The following NTRK1 variants were observed in gnomAD, a reference collection of about 807,000 sequenced individuals.
NTRK1 encodes high affinity nerve growth factor receptor.
Under a neutral mutation model 86.8 loss-of-function variants are expected in NTRK1, and 62 were observed. The observed-to-expected ratio is 0.71, with a 90% CI of 0.58 to 0.88. The LOEUF is 0.88. NTRK1 is among the 40% of genes least tolerant of loss of function. The pLI, the probability that NTRK1 is intolerant of heterozygous loss-of-function variation, is 0.00. For missense variants in NTRK1, 967 were observed against 1,078.4 expected, an observed-to-expected ratio of 0.90 and a Z score of 1.45; for synonymous variants, 469 against 456.6, an observed-to-expected ratio of 1.03 and a Z score of -0.35.
intron 1 of NTRK1, among the ~76,000 whole-genome samples, chr1:156,817,302 T>C (rs1275451795): frequency 6.6e-6 from 1 of 151,766 alleles, no homozygotes; most frequent in East Asian, 1.9e-4. Context: ...AATCTATGAG[T>C]CTGGGCATGG....
At chr1:156,858,951 C>G (rs1655508998), upstream of NTRK1, 5 of 294,502 alleles carry the variant, frequency 1.7e-5, no homozygotes, top group South Asian at 2.5e-4. Context: ...AAAGGCAGGC[C>G]GAGAGGCCAG....
intron 1 of NTRK1, chr1:156,840,467 A>C: frequency 6.5e-6 from 1 of 154,440 alleles, no homozygotes; most frequent in Non-Finnish European, 1.2e-5. Context: ...AGAGCGCCCC[A>C]GGCCTGCTTC....
chr1:156,861,173 G>C, intron 1 of NTRK1, 27 bp downstream of exon 1: 1 of 1,538,898 alleles, frequency 6.5e-7, no homozygotes, highest in South Asian at 1.2e-5. Flanking sequence ...CGGTGGGGGG[G>C]CGCGGGGACA....
At chr1:156,860,699 A>C, upstream of NTRK1, 2 of 640,746 alleles carry the variant, frequency 3.1e-6, no homozygotes, top group Non-Finnish European at 4.7e-6. Flanking sequence ...ATCCTCGGGG[A>C]GAAGGCTGAC....
chr1:156,845,363 C>A (rs767744785), intron 2 of NTRK1: 33 of 1,593,030 alleles, frequency 2.1e-5, no homozygotes, highest in Non-Finnish European at 2.2e-5. Context: ...CTGCCCTAGT[C>A]CTGCTCACCT....
At chr1:156,852,308 T>A in intron 2 of NTRK1, 1 of 1,013,732 alleles carries the variant, frequency 9.9e-7, no homozygotes, top group Non-Finnish European at 1.4e-6. Context: ...CCCAGGTCCC[T>A]CCCATTCAGA....
At chr1:156,822,163 T>G (rs1041358335) in intron 1 of NTRK1, among the ~76,000 whole-genome samples, 3 of 152,168 alleles carry the variant, frequency 2.0e-5, no homozygotes, top group Non-Finnish European at 2.9e-5. Context: ...TCCAACACGG[T>G]CCACCCCCTG....
upstream of NTRK1, among the ~76,000 whole-genome samples, chr1:156,855,900 T>C (rs574169775): frequency 1.2e-4 from 18 of 152,080 alleles, no homozygotes; most frequent in East Asian, 2.9e-3. Flanking sequence ...TCTATAATTC[T>C]TAACACTGAC....
intron 1 of NTRK1, chr1:156,841,660 C>G: frequency 6.2e-7 from 1 of 1,613,518 alleles, no homozygotes; most frequent in Non-Finnish European, 8.5e-7. Flanking sequence ...CCAGCTCGGC[C>G]CCACCAGACA....
chr1:156,849,370 G>A (rs1488391568), intron 2 of NTRK1: 1 of 1,613,924 alleles, frequency 6.2e-7, no homozygotes, highest in East Asian at 2.2e-5. Context: ...AGGCGAAGTA[G>A]ATCTTGCCCA....
chr1:156,834,451 A>G (rs1366247507), intron 1 of NTRK1, among the ~76,000 whole-genome samples: 1 of 152,200 alleles, frequency 6.6e-6, no homozygotes, highest in Non-Finnish European at 1.5e-5. Flanking sequence ...TTAGAACTAT[A>G]GACAGAGACC....
chr1:156,866,671 AG>A (rs1042227488), intron 3 of NTRK1, among the ~76,000 whole-genome samples: 1 of 151,932 alleles, frequency 6.6e-6, no homozygotes, highest in African/African-American at 2.4e-5. Context: ...GGGTCTGGAG[AG>A]GGGGTTAAGT....
At chr1:156,825,600 T>C (rs1379934491) in intron 1 of NTRK1, among the ~76,000 whole-genome samples, 3 of 152,262 alleles carry the variant, frequency 2.0e-5, no homozygotes, top group Admixed American at 6.5e-5. Context: ...CATCATTACC[T>C]TGTATATTCA....
chr1:156,834,187 C>G (rs1654538792), intron 1 of NTRK1, among the ~76,000 whole-genome samples: 1 of 152,148 alleles, frequency 6.6e-6, no homozygotes, highest in African/African-American at 2.4e-5. Context: ...TCAGAAAGGG[C>G]ATCACGGGGA....
chr1:156,820,912 A>G (rs1215981266), intron 1 of NTRK1, among the ~76,000 whole-genome samples: 2 of 152,204 alleles, frequency 1.3e-5, no homozygotes, highest in Non-Finnish European at 2.9e-5. Flanking sequence ...CTTACCATCC[A>G]TGAGGATGGA....
At chr1:156,842,457 C>T in intron 2 of NTRK1, 1 of 1,614,116 alleles carries the variant, frequency 6.2e-7, no homozygotes, top group Non-Finnish European at 8.5e-7. Flanking sequence ...GTCATTAACT[C>T]CATGATGACC....
chr1:156,859,980 G>A (rs996893464), upstream of NTRK1, among the ~76,000 whole-genome samples: 7 of 152,260 alleles, frequency 4.6e-5, no homozygotes, highest in African/African-American at 1.7e-4. This position sits in a 1 kb window ranked among gnomAD's most constrained non-coding sequence, Gnocchi z 6.2. Context: ...CGGCCTCCAA[G>A]GTGCGCGGTC....
In NTRK1 at chr1:156,868,419, T is replaced by G. The variant is rs1457607197; in HGVS notation, c.575-86T>G. On this transcript the variant is annotated intron_variant, in intron 5 of 16. Transcript: ENST00000524377. ...CTGGGCTCCAGGTCATTGAGGAGGG[T>G]GGGGGAAGGAGCAGCCCCGCAGTAG... 3 of 1,541,856 alleles carry G rather than the reference T, an allele frequency of 1.9e-6. No individual in the cohort carries two copies. In the African/African-American group the frequency reaches 4.1e-5, roughly 21 times the overall value.
At chr1:156,825,260 G>A (rs750334395) in intron 1 of NTRK1, among the ~76,000 whole-genome samples, 3 of 152,166 alleles carry the variant, frequency 2.0e-5, no homozygotes, top group African/African-American at 7.2e-5. Flanking sequence ...CAATAACTAG[G>A]TTGAACGAGA....
Sources: allele counts gnomAD v4.1 joint callset (sites outside exome capture counted in the v4.1 genomes callset), GRCh38; gene constraint gnomAD v4.1.1; non-coding constraint Gnocchi (gnomAD v3.1); transcripts MANE v1.5; gene names NCBI Gene and HGNC (gene_info 2026-07-23, HGNC 2026-07-21).